Variants in DGLUCY observed in about 807,000 individuals in gnomAD.
The protein encoded by DGLUCY is D-glutamate cyclase, also known as D-glutamate cyclase, mitochondrial.
Under a neutral mutation model 58.5 loss-of-function variants are expected in DGLUCY, and 58 were observed. That is an observed-to-expected ratio of 0.99 (90% CI 0.80 to 1.23). DGLUCY has a LOEUF of 1.23. Among genes scored for constraint, DGLUCY ranks in the 50% most tolerant of loss-of-function variants. DGLUCY has a pLI of 0.00. For missense variants in DGLUCY, 779 were observed against 784.7 expected, an observed-to-expected ratio of 0.99 and a Z score of 0.09; for synonymous variants, 325 against 314.1, an observed-to-expected ratio of 1.03 and a Z score of -0.37.
intron 13 of DGLUCY, among the ~76,000 whole-genome samples, chr14:91,217,480 TGTC>T (rs1349803431): frequency 1.8e-5 from 2 of 109,676 alleles, no homozygotes; most frequent in Non-Finnish European, 3.5e-5. Context: ...GCCCCTTTTC[TGTC>T]TTTTTTTTTT....
At chr14:91,144,526 C>T (rs947002622) in intron 1 of DGLUCY, among the ~76,000 whole-genome samples, 3 of 152,162 alleles carry the variant, frequency 2.0e-5, no homozygotes, top group African/African-American at 7.2e-5. Context: ...CACTACTGCA[C>T]TCCAGCCTTA....
intron 13 of DGLUCY, among the ~76,000 whole-genome samples, chr14:91,217,800 T>G (rs1191672549): frequency 6.6e-6 from 1 of 152,074 alleles, no homozygotes; most frequent in Non-Finnish European, 1.5e-5. Context: ...TTTTCTGTCT[T>G]TCTTTCCTGT....
At chr14:91,068,964 G>A (rs1175898912) in intron 1 of DGLUCY, among the ~76,000 whole-genome samples, 2 of 152,238 alleles carry the variant, frequency 1.3e-5, no homozygotes, top group Non-Finnish European at 2.9e-5. Flanking sequence ...TTGGATTGGA[G>A]GGGTGTTTCC....
intron 6 of DGLUCY, 33 bp downstream of exon 6, chr14:91,173,472 C>T: frequency 6.4e-7 from 1 of 1,559,406 alleles, no homozygotes; most frequent in Non-Finnish European, 8.6e-7. Flanking sequence ...CATGATCTTC[C>T]TGTTCACATG....
intron 4 of DGLUCY, among the ~76,000 whole-genome samples, chr14:91,169,623 T>C (rs1019816580): frequency 2.0e-5 from 3 of 151,936 alleles, no homozygotes; most frequent in African/African-American, 7.3e-5. Flanking sequence ...TTGCCCAGGC[T>C]TGTCTTGAAC....
intron 1 of DGLUCY, among the ~76,000 whole-genome samples, chr14:91,135,712 C>G (rs188918106): frequency 1.4e-3 from 196 of 141,530 alleles, no homozygotes; most frequent in Admixed American, 4.2e-3. Context: ...TTGTTTTTAA[C>G]CTTGCTAGAT....
intron 8 of DGLUCY, among the ~76,000 whole-genome samples, chr14:91,185,304 A>G (rs1188874305): frequency 1.6e-5 from 1 of 64,412 alleles, no homozygotes; most frequent in South Asian, 4.9e-4. Context: ...TTTTTTTGAG[A>G]CAGGTTCTTG....
upstream of DGLUCY, among the ~76,000 whole-genome samples, chr14:91,109,932 T>C (rs1399003035): frequency 2.0e-5 from 3 of 152,246 alleles, no homozygotes; most frequent in Non-Finnish European, 2.9e-5. Flanking sequence ...GAAAAACATC[T>C]TGAGTTCCTG....
At position 91,215,499 on chromosome 14, in the gene DGLUCY, A is replaced by C; in HGVS notation, c.1659A>C (p.Gly553=). ...GTCAGTACCTGAGGAAAGCAGTCGG[A>C]CCCTCCAGGGCACCTGGAGATCAGG... ...VHSQYLRKAV[G]PSRAPGDQAW... The change falls in exon 13 of 14, where the codon GGA becomes GGC. Residue 553 remains glycine, a synonymous_variant. Transcript: ENST00000256324. 6.2e-7 allele frequency: 1 copy of C among 1,614,074 alleles called. No individual in the cohort carries two copies. Among genetic ancestry groups the C allele is most frequent in the Non-Finnish European group, 8.5e-7 (1 of 1,180,012 alleles).
chr14:91,063,069 C>G (rs1450319255), intron 1 of DGLUCY, among the ~76,000 whole-genome samples: 1 of 152,146 alleles, frequency 6.6e-6, no homozygotes, highest in Non-Finnish European at 1.5e-5. Flanking sequence ...AGGAAAATTA[C>G]AGGGTGCTAC....
intron 1 of DGLUCY, among the ~76,000 whole-genome samples, chr14:91,081,559 T>G (rs2044127936): frequency 6.6e-6 from 1 of 152,174 alleles, no homozygotes; most frequent in Admixed American, 6.5e-5. Context: ...AAAATGGGTC[T>G]TATGGGCTAA....
At chr14:91,133,061 AG>A (rs1356904189) in intron 1 of DGLUCY, among the ~76,000 whole-genome samples, 1 of 151,994 alleles carries the variant, frequency 6.6e-6, no homozygotes, top group Non-Finnish European at 1.5e-5. Flanking sequence ...TGGAAGGCTG[AG>A]GTGGGCGGAT....
intron 5 of DGLUCY, among the ~76,000 whole-genome samples, chr14:91,172,209 C>T (rs2145142): frequency 0.99 from 151,453 of 152,300 alleles, 75,313 homozygotes; most frequent in Middle Eastern, 1. Context: ...TAGCTGGGAC[C>T]ATAGGCATGT....
intron 1 of DGLUCY, among the ~76,000 whole-genome samples, chr14:91,155,560 G>A (rs1461133113): frequency 6.6e-6 from 1 of 152,114 alleles, no homozygotes; most frequent in Non-Finnish European, 1.5e-5. Context: ...CTATAATCCT[G>A]GCACTTTGAG....
intron 1 of DGLUCY, among the ~76,000 whole-genome samples, chr14:91,124,533 C>A (rs972067341): frequency 1.6e-4 from 25 of 152,160 alleles, no homozygotes; most frequent in African/African-American, 6.0e-4. Flanking sequence ...TTCTCTGAGG[C>A]CTGAAGAAAG....
intron 11 of DGLUCY, among the ~76,000 whole-genome samples, chr14:91,201,925 G>A (rs2050588032): frequency 6.6e-6 from 1 of 151,838 alleles, no homozygotes; most frequent in Non-Finnish European, 1.5e-5. Flanking sequence ...CATGGTGGTG[G>A]GCTCCTGTGA....
chr14:91,135,910 G>T, intron 1 of DGLUCY, among the ~76,000 whole-genome samples: 1 of 144,482 alleles, frequency 6.9e-6, no homozygotes, highest in African/African-American at 2.5e-5. Flanking sequence ...ATTCCAACTT[G>T]GCTAGGATAC....
At position 91,159,819 on chromosome 14, in the gene DGLUCY, G is replaced by A. The variant is rs1472168874; in HGVS notation, c.-29-447G>A. On this transcript the variant is annotated intron_variant, in intron 2 of 13. Coordinates refer to ENST00000256324, the MANE Select transcript of DGLUCY (RefSeq NM_001102368.3). ...ATTCAACTGTGTGTATTTTGGGCAC[G>A]TGCTATGTGCATAGGCTGTGATGGG... 2.6e-5 allele frequency among the ~76,000 whole-genome samples: 4 copies of A among 152,174 alleles called. No individual in the cohort carries two copies. In the South Asian group the frequency reaches 6.2e-4, roughly 24 times the overall value.
chr14:91,141,465 T>G (rs2046667084), intron 1 of DGLUCY, among the ~76,000 whole-genome samples: 1 of 151,542 alleles, frequency 6.6e-6, no homozygotes, highest in South Asian at 2.1e-4. Flanking sequence ...TTCCATTTCA[T>G]CCTTAGAACG....
Sources: allele counts gnomAD v4.1 joint callset (sites outside exome capture counted in the v4.1 genomes callset), GRCh38; gene constraint gnomAD v4.1.1; transcripts MANE v1.5; gene names NCBI Gene and HGNC (gene_info 2026-07-23, HGNC 2026-07-21).